The following NPAS3 variants were observed in gnomAD, a reference collection of about 807,000 sequenced individuals.
NPAS3 encodes neuronal PAS domain protein 3.
A neutral mutation model predicts 73.1 loss-of-function variants in NPAS3; 14 were observed. The observed-to-expected ratio is 0.19, with a 90% CI of 0.13 to 0.30. The LOEUF is 0.30. Ranked by LOEUF, NPAS3 falls within the 10% of genes least tolerant of loss-of-function variation. The pLI, the probability that NPAS3 is intolerant of heterozygous loss-of-function variation, is 1.00. For synonymous variants in NPAS3, 620 were observed against 541.5 expected (o/e 1.14, Z -2.01); for missense variants, 1,096 against 1,250.0 (o/e 0.88, Z 1.86).
chr14:33,072,235 G>C (rs542203329), intron 2 of NPAS3, among the ~76,000 whole-genome samples: 3 of 152,278 alleles, frequency 2.0e-5, no homozygotes, highest in Admixed American at 6.5e-5. Flanking sequence ...TTAAATAACG[G>C]TGGCAAATAG....
chr14:33,547,396 C>T (rs2054897482), intron 4 of NPAS3, among the ~76,000 whole-genome samples: 1 of 152,100 alleles, frequency 6.6e-6, no homozygotes, highest in Admixed American at 6.6e-5. Context: ...TTACACTAGC[C>T]AACACAAATT....
chr14:33,406,861 T>C (rs894628227), intron 4 of NPAS3, among the ~76,000 whole-genome samples: 5 of 152,090 alleles, frequency 3.3e-5, no homozygotes, highest in Admixed American at 2.0e-4. Context: ...CAGACCCTTC[T>C]AATGGTTTGT....
At chr14:33,690,956 G>A (rs4627235) in intron 6 of NPAS3, among the ~76,000 whole-genome samples, 44,371 of 151,096 alleles carry the variant, frequency 0.29, 7,061 homozygotes, top group African/African-American at 0.41. Flanking sequence ...AATGATTTAA[G>A]TGTCCCACAA....
intron 2 of NPAS3, among the ~76,000 whole-genome samples, chr14:33,199,222 G>A (rs1427886489): frequency 2.6e-5 from 4 of 152,114 alleles, no homozygotes; most frequent in African/African-American, 7.2e-5. Context: ...CTCCTCAAGC[G>A]TGGCCAGAGC....
intron 3 of NPAS3, among the ~76,000 whole-genome samples, chr14:33,228,038 G>A (rs529451127): frequency 4.6e-5 from 7 of 152,172 alleles, no homozygotes; most frequent in South Asian, 2.1e-4. Flanking sequence ...TGTCTATACC[G>A]TCTACTGCAG....
At chr14:33,720,374 G>T (rs1431588826) in intron 6 of NPAS3, among the ~76,000 whole-genome samples, 1 of 152,152 alleles carries the variant, frequency 6.6e-6, no homozygotes, top group Non-Finnish European at 1.5e-5. Flanking sequence ...TTAAGGGAAG[G>T]TTTGTTATCC....
At chr14:33,171,865 T>C (rs1214180539) in intron 2 of NPAS3, among the ~76,000 whole-genome samples, 2 of 152,146 alleles carry the variant, frequency 1.3e-5, no homozygotes, top group Admixed American at 6.5e-5. Context: ...TGATTTAAAG[T>C]GAGAGATGGG....
chr14:33,163,293 C>T (rs1476454667), intron 2 of NPAS3, among the ~76,000 whole-genome samples: 1 of 152,186 alleles, frequency 6.6e-6, no homozygotes, highest in Non-Finnish European at 1.5e-5. Context: ...TCCTGGCGGC[C>T]TCAGTCAGTG....
chr14:33,047,596 A>G (rs1025321295), intron 1 of NPAS3, among the ~76,000 whole-genome samples: 2 of 152,240 alleles, frequency 1.3e-5, no homozygotes, highest in Non-Finnish European at 2.9e-5. Flanking sequence ...GACCATTTCA[A>G]GACAGATCCT....
chr14:33,717,326 A>G (rs1430109965), intron 6 of NPAS3, among the ~76,000 whole-genome samples: 1 of 151,962 alleles, frequency 6.6e-6, no homozygotes, highest in Non-Finnish European at 1.5e-5. Context: ...ACATAGGCAC[A>G]ATGATTCCTT....
intron 2 of NPAS3, among the ~76,000 whole-genome samples, chr14:33,174,235 G>A (rs539053052): frequency 6.6e-6 from 1 of 152,220 alleles, no homozygotes; most frequent in South Asian, 2.1e-4. Context: ...CCTATACACT[G>A]CACATCAGCA....
chr14:33,206,870 C>T (rs888785369), intron 2 of NPAS3, among the ~76,000 whole-genome samples: 2 of 152,154 alleles, frequency 1.3e-5, no homozygotes, highest in Non-Finnish European at 2.9e-5. Context: ...AAAGGGTACC[C>T]ACAGTTCCCT....
intron 4 of NPAS3, among the ~76,000 whole-genome samples, chr14:33,475,244 T>A (rs2139650614): frequency 6.6e-6 from 1 of 152,274 alleles, no homozygotes; most frequent in Non-Finnish European, 1.5e-5. Context: ...AGTTAATAGA[T>A]CTTAATCACG....
In NPAS3 at chr14:33,676,063, G is replaced by T. The variant is rs1281096111; in HGVS notation, c.559-148G>T. The T allele has an allele frequency of 1.1e-5, 8 of 706,968 alleles. No homozygotes were observed. The African/African-American group carries it at 1.3e-4, about 12-fold the overall frequency. 43.8% of individuals were successfully genotyped at this position (706,968 alleles called of 1,614,324 possible). A position where few individuals can be genotyped will look rare whatever the true frequency, so the allele number is the denominator to read the frequency against. The stretch of plus-strand genomic sequence containing the variant: ...TCTCTTTCACCTCAAGAATTCTTAA[G>T]TATTTGAAGATGAAGACAGAACCAG... On this transcript the variant is annotated intron_variant, in intron 5 of 11. Transcript: ENST00000356141.
At chr14:33,495,308 G>C (rs1437471943) in intron 4 of NPAS3, among the ~76,000 whole-genome samples, 1 of 152,086 alleles carries the variant, frequency 6.6e-6, no homozygotes, top group Non-Finnish European at 1.5e-5. Context: ...TCTTAATCCT[G>C]AGTTCTAATT....
At chr14:33,644,305 A>G (rs975881916) in intron 5 of NPAS3, among the ~76,000 whole-genome samples, 1 of 152,276 alleles carries the variant, frequency 6.6e-6, no homozygotes, top group Non-Finnish European at 1.5e-5. Flanking sequence ...ATGCAAAAGT[A>G]AATGGCATGA....
intron 5 of NPAS3, among the ~76,000 whole-genome samples, chr14:33,642,125 G>A (rs115105506): frequency 2.0e-5 from 3 of 152,076 alleles, no homozygotes; most frequent in Non-Finnish European, 4.4e-5. Flanking sequence ...CATCAAAACA[G>A]AGGGCAGCGC....
intron 3 of NPAS3, among the ~76,000 whole-genome samples, chr14:33,243,572 T>G (rs1666095313): frequency 2.0e-5 from 3 of 152,238 alleles, no homozygotes; most frequent in African/African-American, 7.2e-5. Context: ...TTCACTCATA[T>G]TATCAACAGC....
intron 2 of NPAS3, among the ~76,000 whole-genome samples, chr14:33,091,194 T>A (rs1041368241): frequency 6.6e-6 from 1 of 152,012 alleles, no homozygotes; most frequent in Non-Finnish European, 1.5e-5. Flanking sequence ...AATCAATGAA[T>A]CCAGGAGCTG....
Sources: gnomAD v4.1 joint callset for allele counts (sites outside exome capture counted in the v4.1 genomes callset) on GRCh38, gnomAD v4.1.1 for gene constraint, MANE v1.5 for transcripts, NCBI Gene and HGNC (gene_info 2026-07-23, HGNC 2026-07-21) for gene names.